Variants in FGD6 observed in about 807,000 individuals in gnomAD.
FGD6 encodes the protein FYVE, RhoGEF and PH domain-containing protein 6.
In FGD6, 90 loss-of-function variants were observed where a neutral mutation model predicts 149.4. The ratio of observed to expected loss-of-function variants is 0.60; its 90% CI spans 0.51 to 0.72. The LOEUF is 0.72. Ranked by LOEUF, FGD6 falls within the 30% of genes least tolerant of loss-of-function variation. The pLI, the probability that FGD6 is intolerant of heterozygous loss-of-function variation, is 0.00. For synonymous variants in FGD6, 527 were observed against 584.0 expected, an observed-to-expected ratio of 0.90 and a Z score of 1.41; for missense variants, 1,437 against 1,684.8, an observed-to-expected ratio of 0.85 and a Z score of 2.57.
At chr12:95,215,218 T>C (rs1402492538) in intron 1 of FGD6, among the ~76,000 whole-genome samples, 1 of 152,214 alleles carries the variant, frequency 6.6e-6, no homozygotes. Flanking sequence ...GGGCAGATTA[T>C]TTTATAGATG....
intron 2 of FGD6, among the ~76,000 whole-genome samples, chr12:95,184,691 C>A (rs767624650): frequency 7.9e-5 from 12 of 151,318 alleles, no homozygotes; most frequent in Non-Finnish European, 1.8e-4. Context: ...AAGCGATTCT[C>A]GCGCCTCAGC....
chr12:95,126,558 A>C (rs961924044), intron 8 of FGD6, among the ~76,000 whole-genome samples: 6 of 151,748 alleles, frequency 4.0e-5, no homozygotes, highest in African/African-American at 1.2e-4. Flanking sequence ...GTGAAACCCT[A>C]TCTCTACTAA....
In FGD6 at chr12:95,085,980, A is replaced by G. The variant is rs562629092; in HGVS notation, c.3979-72T>C. The G allele has an allele frequency of 2.1e-5, 29 of 1,410,924 alleles. No homozygotes were observed. The South Asian group carries it at 3.8e-4, about 19-fold the overall frequency. 87.4% of individuals were successfully genotyped at this position (1,410,924 alleles called of 1,614,324 possible). Reference sequence around the variant, plus strand: ...ATAACAGCAAAATTATTTGCAACCAATAGGTGCTGAAAGCAATAACTGTAA... The same window carrying G: ...ATAACAGCAAAATTATTTGCAACCAGTAGGTGCTGAAAGCAATAACTGTAA... On this transcript the variant is annotated intron_variant, in intron 18 of 20. Coordinates refer to ENST00000343958, the MANE Select transcript of FGD6 (RefSeq NM_018351.4).
At chr12:95,186,146 A>G (rs1337221577) in intron 2 of FGD6, among the ~76,000 whole-genome samples, 1 of 150,540 alleles carries the variant, frequency 6.6e-6, no homozygotes, top group Non-Finnish European at 1.5e-5. Flanking sequence ...ACACATACAT[A>G]GTATAGTATG....
At chr12:95,134,857 G>T (rs2136258226) in intron 7 of FGD6, 31 bp from the exon 8 acceptor site, 1 of 1,571,974 alleles carries the variant, frequency 6.4e-7, no homozygotes, top group Non-Finnish European at 8.7e-7. Flanking sequence ...AATTAACACA[G>T]TGTTTTCTAA....
intron 2 of FGD6, among the ~76,000 whole-genome samples, chr12:95,193,235 G>A (rs1881640211): frequency 6.6e-6 from 1 of 152,190 alleles, no homozygotes; most frequent in African/African-American, 2.4e-5. Flanking sequence ...AAGCCAAACA[G>A]TGGAAATGGC....
Position 95,152,817 on chromosome 12 carries a change from CA to C in FGD6, c.2678del (p.Leu893CysfsTer9), listed in dbSNP as rs1431875045. The part of the protein sequence containing the change: ...EKVFVDVLKL[L>X]HIDFRDAVAH... Reference sequence around the variant, plus strand: ...AATATTAGCAGATACTTACAATATGCAAAAGTTTTAACACATCCACAAACCT... The same window carrying C: ...AATATTAGCAGATACTTACAATATGCAAAGTTTTAACACATCCACAAACCT... On this transcript the variant is annotated frameshift_variant, in exon 5 of 21. Transcript: ENST00000343958. LOFTEE classifies it high-confidence loss of function. 6.2e-7 allele frequency: 1 copy of C among 1,612,514 alleles called. No homozygotes were observed. Among genetic ancestry groups the C allele is most frequent in the Non-Finnish European group, 8.5e-7 (1 of 1,179,184 alleles).
intron 14 of FGD6, among the ~76,000 whole-genome samples, chr12:95,097,643 A>G (rs1878280055): frequency 6.6e-6 from 1 of 150,574 alleles, no homozygotes; most frequent in African/African-American, 2.4e-5. Flanking sequence ...TCAAAAAAAA[A>G]AAAAAAAAAA....
chr12:95,214,736 G>A (rs1445912864), intron 1 of FGD6, among the ~76,000 whole-genome samples: 5 of 152,012 alleles, frequency 3.3e-5, no homozygotes, highest in Non-Finnish European at 7.3e-5. Context: ...TGGTTCACGT[G>A]TACACTCTCT....
intron 2 of FGD6, among the ~76,000 whole-genome samples, chr12:95,198,400 G>A (rs1483919780): frequency 2.6e-5 from 4 of 152,108 alleles, no homozygotes; most frequent in Non-Finnish European, 2.9e-5. Flanking sequence ...GCATAATGCT[G>A]GCATATCGGA....
rs192311783 is a variant in FGD6, at chr12:95,113,170, T to C, written c.3133+481A>G. On this transcript the variant is annotated intron_variant, in intron 9 of 20. Transcript: ENST00000343958. The stretch of plus-strand genomic sequence containing the variant: ...ATCTCACCTATCCCCAGCACTGCTT[T>C]ACTACTTAACTGGTTCTATGTTAAT... Among the ~76,000 whole-genome samples, 21 of 151,888 alleles carry C rather than the reference T, an allele frequency of 1.4e-4. No homozygotes were observed. In the East Asian group the frequency reaches 1.5e-3, roughly 11 times the overall value.
At chr12:95,101,003 C>T (rs545640994) in intron 14 of FGD6, 8 of 325,764 alleles carry the variant, frequency 2.5e-5, no homozygotes, top group East Asian at 8.0e-5. Flanking sequence ...CAGCTGACAG[C>T]GGAAGAGAGG....
chr12:95,155,662 ATAG>A (rs1379018639), intron 3 of FGD6, among the ~76,000 whole-genome samples: 1 of 152,226 alleles, frequency 6.6e-6, no homozygotes, highest in Non-Finnish European at 1.5e-5. Context: ...AGAATCATAA[ATAG>A]TAGTCAGTCA....
chr12:95,165,642 T>C (rs1880788021), intron 3 of FGD6, among the ~76,000 whole-genome samples: 1 of 151,062 alleles, frequency 6.6e-6, no homozygotes, highest in Admixed American at 6.6e-5. Context: ...CCGGCCAATT[T>C]TGTTTTTTCC....
chr12:95,083,501 A>G (rs1385824666), intron 20 of FGD6, among the ~76,000 whole-genome samples: 3 of 152,196 alleles, frequency 2.0e-5, no homozygotes, highest in African/African-American at 7.2e-5. Flanking sequence ...GGCAATTACT[A>G]TTTTGTCTAA....
At position 95,143,737 on chromosome 12, in the gene FGD6, A is replaced by G. The variant is rs960584105; in HGVS notation, c.2686-2198T>C. Among the ~76,000 whole-genome samples, 4 of 152,210 alleles carry G rather than the reference A, an allele frequency of 2.6e-5. No homozygotes were observed. In the South Asian group the frequency reaches 6.2e-4, roughly 24 times the overall value. On this transcript the variant is annotated intron_variant, in intron 5 of 20. Coordinates refer to ENST00000343958, the MANE Select transcript of FGD6 (RefSeq NM_018351.4). ...TTTGAAAATCATTAGGCTGTCTGCT[A>G]TCATGCAGGGCTATAGAATACATTT...
In FGD6 at chr12:95,210,888, A is replaced by G. The variant is rs4762289; in HGVS notation, c.396T>C (p.Val132=). ...HRENLCVKQL[V]LEPLEMNENL... Reference sequence around the variant, plus strand: ...TTTCATTCATTTCCAGGGGCTCTAAAACAAGCTGCTTTACACACAAATTCT... The same window carrying G: ...TTTCATTCATTTCCAGGGGCTCTAAGACAAGCTGCTTTACACACAAATTCT... The change falls in exon 2 of 21, where the codon GTT becomes GTC. Residue 132 remains valine (V), a synonymous_variant. Transcript: ENST00000343958. The G allele has an allele frequency of 0.043, 69,717 of 1,612,952 alleles. 2,143 individuals carry two copies. Among genetic ancestry groups the G allele is most frequent in the Middle Eastern group, 0.14 (837 of 6,048 alleles).
At chr12:95,097,614 C>T (rs1159944375) in intron 14 of FGD6, among the ~76,000 whole-genome samples, 2 of 104,978 alleles carry the variant, frequency 1.9e-5, no homozygotes, top group Non-Finnish European at 3.5e-5. Context: ...CCAGCCTGGG[C>T]AACAAGTGAG....
At chr12:95,196,911 T>C (rs979762491) in intron 2 of FGD6, among the ~76,000 whole-genome samples, 4 of 151,852 alleles carry the variant, frequency 2.6e-5, no homozygotes, top group Non-Finnish European at 4.4e-5. Flanking sequence ...AGTGCTGGGA[T>C]TACAGGCATA....
Sources: gnomAD v4.1 joint callset for allele counts (sites outside exome capture counted in the v4.1 genomes callset) on GRCh38, gnomAD v4.1.1 for gene constraint, MANE v1.5 for transcripts, NCBI Gene and HGNC (gene_info 2026-07-23, HGNC 2026-07-21) for gene names.